Variants in RAPGEF2 observed in about 807,000 individuals in gnomAD.
RAPGEF2 encodes Rap guanine nucleotide exchange factor 2, also known as PDZ domain containing guanine nucleotide exchange factor (GEF) 1.
A neutral mutation model predicts 186.7 loss-of-function variants in RAPGEF2; 54 were observed. The observed-to-expected ratio is 0.29, with a 90% CI of 0.23 to 0.36. RAPGEF2 has a LOEUF of 0.36. RAPGEF2 is among the 10% of genes least tolerant of loss of function. The pLI is 1.00. For synonymous variants in RAPGEF2, 712 were observed against 705.9 expected, an observed-to-expected ratio of 1.01 and a Z score of -0.14; for missense variants, 1,532 against 2,045.0, an observed-to-expected ratio of 0.75 and a Z score of 4.84.
At chr4:159,187,037 AC>A in intron 2 of RAPGEF2, among the ~76,000 whole-genome samples, 1 of 152,294 alleles carries the variant, frequency 6.6e-6, no homozygotes, top group South Asian at 2.1e-4. Context: ...TATTTCTCCT[AC>A]CTAGAATGCT....
intron 4 of RAPGEF2, among the ~76,000 whole-genome samples, chr4:159,220,304 G>T (rs990735160): frequency 6.7e-5 from 10 of 148,812 alleles, no homozygotes; most frequent in African/African-American, 2.2e-4. Flanking sequence ...GTTGAGAGAG[G>T]TACAAAGGTG....
At chr4:159,121,874 C>CA (rs35034524) in intron 1 of RAPGEF2, among the ~76,000 whole-genome samples, 29,138 of 133,648 alleles carry the variant, frequency 0.22, 2,866 homozygotes, top group Admixed American at 0.26. Flanking sequence ...ACTAAAAATA[C>CA]AAAAAAAAAA....
chr4:159,341,583 A>T lies in RAPGEF2; in HGVS notation c.2554A>T (p.Met852Leu). 2 of 1,598,068 alleles carry T rather than the reference A, an allele frequency of 1.3e-6. No individual in the cohort carries two copies. Residue 852 changes from methionine (M) to leucine (L), a missense_variant, in exon 20 of 30, where the codon ATG (methionine) becomes TTG (leucine). By Grantham distance (15) the Met-to-Leu change is conservative. This residue lies in a region of RAPGEF2 where 810 missense variants were observed against 1,210.5 expected (regional missense o/e 0.67). Coordinates refer to ENST00000691494, the MANE Select transcript of RAPGEF2 (RefSeq NM_001394067.2). Reference sequence around the variant, plus strand: ...TCATAGGTATTATCTGAAAAACAACATGGAAACAGAAACTCTTTGTTCAGA... The same window carrying T: ...TCATAGGTATTATCTGAAAAACAACTTGGAAACAGAAACTCTTTGTTCAGA... ...LSGRYYLKNNMETETLCSDED... is the reference protein window; with the variant it reads ...LSGRYYLKNNLETETLCSDED...
chr4:159,180,241 C>G (rs915952101), intron 1 of RAPGEF2, among the ~76,000 whole-genome samples: 1 of 152,154 alleles, frequency 6.6e-6, no homozygotes, highest in African/African-American at 2.4e-5. Context: ...TTGCTTCTTC[C>G]TTTAATTTGC....
chr4:159,267,326 A>C (rs1176642944), intron 7 of RAPGEF2: 6 of 1,288,976 alleles, frequency 4.7e-6, no homozygotes, highest in Non-Finnish European at 6.1e-6. Flanking sequence ...ACAATAATGT[A>C]ATTATATTGG....
chr4:159,241,547 T>C (rs745494540), intron 6 of RAPGEF2, among the ~76,000 whole-genome samples, 179 bp downstream of exon 6: 8 of 148,514 alleles, frequency 5.4e-5, no homozygotes, highest in Admixed American at 2.0e-4. Context: ...AAAATAAATA[T>C]ATAATATGTA....
chr4:159,134,189 G>T (rs865881566), intron 1 of RAPGEF2, among the ~76,000 whole-genome samples: 4 of 152,100 alleles, frequency 2.6e-5, no homozygotes, highest in Non-Finnish European at 5.9e-5. Context: ...TATCCTTATA[G>T]TTTTGCCTTT....
intron 1 of RAPGEF2, among the ~76,000 whole-genome samples, chr4:159,158,759 T>C (rs992893151): frequency 1.3e-5 from 2 of 152,218 alleles, no homozygotes; most frequent in Non-Finnish European, 2.9e-5. Flanking sequence ...TTGAATCAAC[T>C]GAGAAGGGTG....
At chr4:159,343,510 G>T in intron 22 of RAPGEF2, 106 bp downstream of exon 22, 1 of 1,418,180 alleles carries the variant, frequency 7.1e-7, no homozygotes, top group East Asian at 2.3e-5. Flanking sequence ...TTTGTAGTAC[G>T]GCAGAAATTA....
intron 7 of RAPGEF2, among the ~76,000 whole-genome samples, chr4:159,277,213 G>A (rs1171564506): frequency 1.3e-5 from 2 of 151,998 alleles, no homozygotes; most frequent in African/African-American, 4.8e-5. Context: ...TGAGAATGAT[G>A]GTTTCCAGCT....
At chr4:159,292,061 T>C (rs1761295734) in intron 7 of RAPGEF2, among the ~76,000 whole-genome samples, 1 of 152,140 alleles carries the variant, frequency 6.6e-6, no homozygotes, top group African/African-American at 2.4e-5. Context: ...ATGAGGAAAA[T>C]CTTTTGTGCA....
At position 159,331,417 on chromosome 4, in the gene RAPGEF2, A is replaced by ATATTTT. The variant is rs1766665682; in HGVS notation, c.1468-14_1468-13insTATTTT. The ATATTTT allele has an allele frequency of 6.6e-7, 1 of 1,514,508 alleles. No individual in the cohort carries two copies. Among genetic ancestry groups the ATATTTT allele is most frequent in the African/African-American group, 1.4e-5 (1 of 72,118 alleles). 93.8% of individuals were successfully genotyped at this position (1,514,508 alleles called of 1,614,324 possible). ...ACTAAAAAGGAAACTTATTGAAAATAATTGACTTTTCAGGTTACACGGGTA... is the reference window on the plus strand; with the variant it reads ...ACTAAAAAGGAAACTTATTGAAAATATATTTTATTGACTTTTCAGGTTACACGGGTA... On this transcript the variant is annotated splice_polypyrimidine_tract_variant and intron_variant, in intron 13 of 29. Transcript: ENST00000691494.
At chr4:159,140,374 A>G (rs1175367023) in intron 1 of RAPGEF2, among the ~76,000 whole-genome samples, 1 of 152,248 alleles carries the variant, frequency 6.6e-6, no homozygotes, top group African/African-American at 2.4e-5. Flanking sequence ...GCAAATAAAC[A>G]GCAAATGAAC....
chr4:159,162,032 A>G (rs1370640226), intron 1 of RAPGEF2, among the ~76,000 whole-genome samples: 2 of 152,148 alleles, frequency 1.3e-5, no homozygotes, highest in Non-Finnish European at 2.9e-5. Flanking sequence ...TGTAAAGTAA[A>G]CCGTAAATTT....
intron 7 of RAPGEF2, among the ~76,000 whole-genome samples, chr4:159,280,628 A>G (rs1467137105): frequency 6.6e-6 from 1 of 152,182 alleles, no homozygotes; most frequent in Non-Finnish European, 1.5e-5. Context: ...CAAAGCTGCT[A>G]TGGAAAAAGA....
At chr4:159,322,195 A>G in intron 9 of RAPGEF2, 152 bp from the exon 10 acceptor site, 1 of 581,036 alleles carries the variant, frequency 1.7e-6, no homozygotes, top group Non-Finnish European at 2.9e-6. Context: ...TACCTGCAAG[A>G]AATTCAGCTG....
Position 159,344,958 on chromosome 4 carries a change from T to C in RAPGEF2, c.3279-148T>C, listed in dbSNP as rs1016897095. ...CTTTAAATTTTTAAAATCTGTATTA[T>C]TCTATATTCCTGTGTAACAGTTTAC... is the stretch of plus-strand genomic sequence containing the variant. On this transcript the variant is annotated intron_variant, in intron 23 of 29. Transcript: ENST00000691494. The C allele has an allele frequency of 4.8e-6, 3 of 627,230 alleles. No individual in the cohort carries two copies. In the East Asian group the frequency reaches 8.4e-5, roughly 18 times the overall value. 38.9% of individuals were successfully genotyped at this position (627,230 alleles called of 1,614,324 possible). A position where few individuals can be genotyped will look rare whatever the true frequency, so the allele number is the denominator to read the frequency against.
intron 7 of RAPGEF2, among the ~76,000 whole-genome samples, chr4:159,251,286 C>A (rs1008163607): frequency 6.6e-6 from 1 of 152,242 alleles, no homozygotes; most frequent in Non-Finnish European, 1.5e-5. Context: ...AGCGCCTGGT[C>A]CCATCGACTG....
intron 7 of RAPGEF2, among the ~76,000 whole-genome samples, chr4:159,254,357 A>C (rs1329978054): frequency 2.6e-5 from 4 of 152,182 alleles, no homozygotes; most frequent in African/African-American, 9.7e-5. Context: ...CATAATGAAA[A>C]CATAGTTTGA....
Sources: allele counts gnomAD v4.1 joint callset (sites outside exome capture counted in the v4.1 genomes callset), GRCh38; gene constraint gnomAD v4.1.1; regional missense constraint gnomAD v4.1.1; transcripts MANE v1.5; gene names NCBI Gene and HGNC (gene_info 2026-07-23, HGNC 2026-07-21).